Variants in STPG2 observed in about 807,000 individuals in gnomAD.
The protein encoded by STPG2 is sperm tail PG-rich repeat containing 2, also known as sperm-tail PG-rich repeat-containing protein 2.
In STPG2, 56 loss-of-function variants were observed where a neutral mutation model predicts 54.2. The observed-to-expected ratio is 1.03, with a 90% CI of 0.83 to 1.29. The LOEUF (loss-of-function observed/expected upper bound fraction) is 1.29. Ranked by LOEUF, STPG2 falls within the 50% of genes most tolerant of loss-of-function variation. STPG2 has a pLI of 0.00. For synonymous variants in STPG2, 200 were observed against 181.8 expected (o/e 1.10, Z -0.81); for missense variants, 596 against 544.9 (o/e 1.09, Z -0.93).
At chr4:98,027,867 T>C (rs773229957) in intron 5 of STPG2, among the ~76,000 whole-genome samples, 1 of 152,174 alleles carries the variant, frequency 6.6e-6, no homozygotes. Flanking sequence ...AGAGTCTCAA[T>C]AGTCTTCCTT....
At chr4:97,595,091 C>G (rs1733250634) in intron 10 of STPG2, among the ~76,000 whole-genome samples, 1 of 152,190 alleles carries the variant, frequency 6.6e-6, no homozygotes, top group South Asian at 2.1e-4. Context: ...TCAGCAATCT[C>G]ATTACTGGGT....
intron 8 of STPG2, among the ~76,000 whole-genome samples, chr4:97,890,599 G>C (rs565124794): frequency 6.6e-6 from 1 of 151,776 alleles, no homozygotes; most frequent in South Asian, 2.1e-4. Context: ...TAGACAGAAG[G>C]AATAATGTCT....
chr4:97,944,936 GAACA>G (rs1202015459), intron 7 of STPG2, among the ~76,000 whole-genome samples: 1 of 152,078 alleles, frequency 6.6e-6, no homozygotes, highest in African/African-American at 2.4e-5. Context: ...TTCAAAAATA[GAACA>G]ATCACAGTCA....
intron 5 of STPG2, among the ~76,000 whole-genome samples, chr4:98,056,452 G>A (rs897746258): frequency 4.6e-5 from 7 of 152,138 alleles, no homozygotes; most frequent in African/African-American, 7.2e-5. Context: ...TGCCCCCAGC[G>A]CAGTGAACTC....
intron 10 of STPG2, among the ~76,000 whole-genome samples, chr4:97,667,893 T>C (rs1560710489): frequency 6.6e-6 from 1 of 152,166 alleles, no homozygotes; most frequent in Non-Finnish European, 1.5e-5. Context: ...GCAAGATTGC[T>C]CATTGCAGCC....
chr4:97,536,987 T>C (rs2148857486), intron 4 of STPG2, among the ~76,000 whole-genome samples: 1 of 152,318 alleles, frequency 6.6e-6, no homozygotes, highest in Middle Eastern at 3.4e-3. Context: ...AGAGCTTGTG[T>C]AAATATATTT....
At chr4:97,624,760 C>A (rs1419958187) in intron 10 of STPG2, among the ~76,000 whole-genome samples, 4 of 152,044 alleles carry the variant, frequency 2.6e-5, no homozygotes, top group African/African-American at 9.7e-5. Flanking sequence ...TTGGATGTTC[C>A]ATTTAAGTCT....
chr4:97,866,524 T>C (rs574404995), intron 8 of STPG2, among the ~76,000 whole-genome samples: 2,519 of 101,334 alleles, frequency 0.025, 70 homozygotes, highest in African/African-American at 0.099. Flanking sequence ...GGGTAAATTC[T>C]TTTTGAAAAA....
intron 10 of STPG2, among the ~76,000 whole-genome samples, chr4:97,634,860 C>T (rs1350842214): frequency 1.3e-5 from 2 of 150,374 alleles, no homozygotes; most frequent in Non-Finnish European, 3.0e-5. Flanking sequence ...AAATCTACGT[C>T]TGATTGGTGT....
intron 8 of STPG2, among the ~76,000 whole-genome samples, chr4:97,934,346 C>G (rs932195452): frequency 6.6e-6 from 1 of 152,154 alleles, no homozygotes; most frequent in African/African-American, 2.4e-5. Context: ...GTTGAATACC[C>G]TTTATTTCCT....
intron 4 of STPG2, among the ~76,000 whole-genome samples, chr4:97,461,992 TTG>T (rs1357870213): frequency 6.6e-6 from 1 of 152,142 alleles, no homozygotes; most frequent in Non-Finnish European, 1.5e-5. Context: ...TTAGCATTTT[TTG>T]TGTCCTCTCA....
chr4:97,862,200 ATG>A (rs939700236), intron 8 of STPG2, among the ~76,000 whole-genome samples: 1 of 150,946 alleles, frequency 6.6e-6, no homozygotes. Context: ...TTTTGAGCCT[ATG>A]TGTGTGTGCA....
intron 10 of STPG2, among the ~76,000 whole-genome samples, chr4:97,630,300 AT>A (rs544434330): frequency 2.8e-4 from 42 of 151,924 alleles, no homozygotes; most frequent in African/African-American, 1.0e-3. Flanking sequence ...AATTGTGGTT[AT>A]TTTTAATATA....
At chr4:97,665,077 C>T (rs978478551) in intron 10 of STPG2, among the ~76,000 whole-genome samples, 9 of 152,210 alleles carry the variant, frequency 5.9e-5, no homozygotes, top group Admixed American at 2.6e-4. Context: ...GCAGTGGTGC[C>T]CAGAAGCTCG....
At chr4:97,560,285 T>C (rs1560659777) in intron 10 of STPG2, among the ~76,000 whole-genome samples, 2 of 152,110 alleles carry the variant, frequency 1.3e-5, no homozygotes, top group South Asian at 4.1e-4. Context: ...ACTAGGAAAA[T>C]TGGCTAAATA....
chr4:98,025,325 G>A (rs1736378862), intron 5 of STPG2: 1 of 213,442 alleles, frequency 4.7e-6, no homozygotes, highest in Admixed American at 5.3e-5. Flanking sequence ...CTAATAAAAG[G>A]AGTGTATTGG....
At chr4:97,726,286 G>A (rs182905125) in intron 9 of STPG2, among the ~76,000 whole-genome samples, 3 of 152,064 alleles carry the variant, frequency 2.0e-5, no homozygotes, top group Admixed American at 2.0e-4. Flanking sequence ...GTAGTGGTCA[G>A]GGGCTAGAGA....
intron 8 of STPG2, among the ~76,000 whole-genome samples, chr4:97,859,464 T>G (rs1729441837): frequency 7.4e-6 from 1 of 134,724 alleles, no homozygotes; most frequent in African/African-American, 2.9e-5. Context: ...TTCTTTTCTT[T>G]TCTTTTTTTT....
At chr4:97,535,812 T>C (rs140113232) in intron 4 of STPG2, among the ~76,000 whole-genome samples, 1 of 152,222 alleles carries the variant, frequency 6.6e-6, no homozygotes, top group Non-Finnish European at 1.5e-5. Context: ...TTTATTTTAA[T>C]ATTTTTATAC....
Sources: gnomAD v4.1 joint callset for allele counts (sites outside exome capture counted in the v4.1 genomes callset) on GRCh38, gnomAD v4.1.1 for gene constraint, MANE v1.5 for transcripts, NCBI Gene and HGNC (gene_info 2026-07-23, HGNC 2026-07-21) for gene names.